The following CMSS1 variants were observed in gnomAD, a reference collection of about 807,000 sequenced individuals.
CMSS1 encodes the protein cms1 ribosomal small subunit homolog.
In CMSS1, 33 loss-of-function variants were observed where a neutral mutation model predicts 43.5. That is an observed-to-expected ratio of 0.76 (90% CI 0.57 to 1.01). The LOEUF is 1.01. Among genes scored for constraint, CMSS1 ranks in the 50% least tolerant of loss-of-function variants. The probability of loss-of-function intolerance (pLI) is 0.00; values close to 1 mark genes in which losing one functional copy is unlikely to be tolerated. For missense variants in CMSS1, 313 were observed against 326.4 expected, an observed-to-expected ratio of 0.96 and a Z score of 0.32; for synonymous variants, 115 against 117.2, an observed-to-expected ratio of 0.98 and a Z score of 0.12.
At chr3:100,091,459 G>A (rs2066108314) in intron 1 of CMSS1, among the ~76,000 whole-genome samples, 2 of 152,186 alleles carry the variant, frequency 1.3e-5, no homozygotes, top group Admixed American at 1.3e-4. Context: ...TAAGAAATTA[G>A]GTAACAAGAG....
At chr3:100,051,531 G>A (rs951226830) in intron 1 of CMSS1, among the ~76,000 whole-genome samples, 1 of 100,826 alleles carries the variant, frequency 9.9e-6, no homozygotes, top group Non-Finnish European at 1.8e-5. Context: ...AACAGGCCCC[G>A]GTGTGTGATG....
chr3:99,998,285 A>G lies in CMSS1; in HGVS notation c.65-148688A>G, dbSNP rs186699621. 2.6e-5 allele frequency among the ~76,000 whole-genome samples: 4 copies of G among 152,338 alleles called. No homozygotes were observed. In the East Asian group the frequency reaches 7.7e-4, roughly 29 times the overall value. ...CCTAGATATCCCTAATTTAGATCTGAAAATGTCTTTCTTGGAATGTTTTCT... is the reference window on the plus strand; with the variant it reads ...CCTAGATATCCCTAATTTAGATCTGGAAATGTCTTTCTTGGAATGTTTTCT... On this transcript the variant is annotated intron_variant, in intron 1 of 9. Transcript: ENST00000421999.
At chr3:99,913,650 T>C (rs1011516809) in intron 1 of CMSS1, among the ~76,000 whole-genome samples, 1 of 152,216 alleles carries the variant, frequency 6.6e-6, no homozygotes, top group African/African-American at 2.4e-5. Context: ...TATATGCTTG[T>C]AATAATCTTT....
intron 1 of CMSS1, among the ~76,000 whole-genome samples, chr3:99,909,692 A>G (rs1706731522): frequency 6.6e-6 from 1 of 152,244 alleles, no homozygotes; most frequent in Non-Finnish European, 1.5e-5. Context: ...AAAAAAGTCC[A>G]TCACACTGCT....
At chr3:99,835,246 C>T (rs1165186679) in intron 1 of CMSS1, among the ~76,000 whole-genome samples, 1 of 152,210 alleles carries the variant, frequency 6.6e-6, no homozygotes, top group Non-Finnish European at 1.5e-5. Flanking sequence ...AAGGCCCACT[C>T]ACATGTCCTT....
intron 1 of CMSS1, among the ~76,000 whole-genome samples, chr3:100,124,217 A>G (rs937864985): frequency 2.0e-5 from 3 of 152,160 alleles, no homozygotes; most frequent in African/African-American, 7.2e-5. Flanking sequence ...CAGTTACTCA[A>G]TTTTGGCTAA....
chr3:99,864,688 T>G (rs1944425421), intron 1 of CMSS1, among the ~76,000 whole-genome samples: 1 of 152,116 alleles, frequency 6.6e-6, no homozygotes, highest in Admixed American at 6.6e-5. Context: ...TCTACTGTTC[T>G]CCTCTTTGCT....
At chr3:100,064,390 C>T (rs576421260) in intron 1 of CMSS1, among the ~76,000 whole-genome samples, 1 of 152,068 alleles carries the variant, frequency 6.6e-6, no homozygotes, top group Non-Finnish European at 1.5e-5. Flanking sequence ...CCTGACCCCC[C>T]CAACACCCTT....
intron 1 of CMSS1, among the ~76,000 whole-genome samples, chr3:100,017,060 A>G (rs1167770153): frequency 6.6e-6 from 1 of 152,260 alleles, no homozygotes; most frequent in East Asian, 1.9e-4. Flanking sequence ...ACATGTGTGT[A>G]TAATTCTTCA....
intron 1 of CMSS1, among the ~76,000 whole-genome samples, chr3:99,956,684 T>G (rs1708329820): frequency 6.6e-6 from 1 of 152,220 alleles, no homozygotes; most frequent in South Asian, 2.1e-4. Context: ...CATCGCCTCT[T>G]AAATCTTGCC....
In CMSS1 at chr3:99,824,217, G is replaced by A. The variant is rs183777683; in HGVS notation, c.64+6174G>A. Among the ~76,000 whole-genome samples the A allele has an allele frequency of 1.0e-3, 154 of 152,216 alleles. 1 individual carries two copies. Among genetic ancestry groups the A allele is most frequent in the East Asian group, 6.9e-3 (36 of 5,180 alleles). On this transcript the variant is annotated intron_variant, in intron 1 of 9. Coordinates refer to ENST00000421999, the MANE Select transcript of CMSS1 (RefSeq NM_032359.4). Reference sequence around the variant, plus strand: ...ATTACAGGCATGAGCCACCAGGCCCGGCCAGCTGGCTCTGTCTTAACATTA... The same window carrying A: ...ATTACAGGCATGAGCCACCAGGCCCAGCCAGCTGGCTCTGTCTTAACATTA...
chr3:99,869,657 C>T (rs998894804), intron 1 of CMSS1, among the ~76,000 whole-genome samples: 7 of 152,162 alleles, frequency 4.6e-5, no homozygotes. Context: ...CAGGCAACTC[C>T]TTCCTTTTCT....
chr3:100,025,222 A>G (rs1444001912), intron 1 of CMSS1, among the ~76,000 whole-genome samples: 2 of 152,164 alleles, frequency 1.3e-5, no homozygotes, highest in Non-Finnish European at 2.9e-5. Context: ...CCTTCTTGCC[A>G]CTACACAGCC....
At chr3:99,918,187 AG>A (rs2107647237) in intron 1 of CMSS1, among the ~76,000 whole-genome samples, 1 of 152,188 alleles carries the variant, frequency 6.6e-6, no homozygotes, top group Non-Finnish European at 1.5e-5. Context: ...CATTTTGGCC[AG>A]GCTGGTCTCG....
rs139878931 is a variant in CMSS1, at chr3:100,162,235, C to G, written c.226-68C>G. On this transcript the variant is annotated intron_variant, in intron 3 of 9. Transcript: ENST00000421999. Reference sequence around the variant, plus strand: ...ATGTGCCGTTTAAATGCCAGAGGAACTAACCTATTCCAACCAAATGCCATT... The same window carrying G: ...ATGTGCCGTTTAAATGCCAGAGGAAGTAACCTATTCCAACCAAATGCCATT... 52 of 1,416,638 alleles carry G rather than the reference C, an allele frequency of 3.7e-5. No homozygotes were observed. The African/African-American group carries it at 6.3e-4, about 17-fold the overall frequency. The allele number at this position is 1,416,638 out of a possible 1,614,324, so 87.8% of individuals were successfully genotyped here.
intron 1 of CMSS1, chr3:99,833,164 A>G (rs1942752946): frequency 3.6e-6 from 5 of 1,387,580 alleles, no homozygotes; most frequent in African/African-American, 1.4e-5. Context: ...CGATTTTTTA[A>G]TAAATGCTTA....
At chr3:99,977,128 C>A (rs1206157544) in intron 1 of CMSS1, among the ~76,000 whole-genome samples, 1 of 152,160 alleles carries the variant, frequency 6.6e-6, no homozygotes, top group African/African-American at 2.4e-5. Context: ...CGAACATTGT[C>A]ATGGAGGGAT....
At chr3:100,078,632 T>C (rs1266560553) in intron 1 of CMSS1, among the ~76,000 whole-genome samples, 1 of 152,106 alleles carries the variant, frequency 6.6e-6, no homozygotes, top group African/African-American at 2.4e-5. Flanking sequence ...CTCGCTGGCC[T>C]GTAATCCCAG....
intron 1 of CMSS1, among the ~76,000 whole-genome samples, chr3:99,843,772 G>A (rs914248666): frequency 1.3e-5 from 2 of 152,110 alleles, no homozygotes; most frequent in African/African-American, 2.4e-5. Context: ...TCCATGGCTT[G>A]TTAGGAGCCG....
Sources: allele counts gnomAD v4.1 joint callset (sites outside exome capture counted in the v4.1 genomes callset), GRCh38; gene constraint gnomAD v4.1.1; transcripts MANE v1.5; gene names NCBI Gene and HGNC (gene_info 2026-07-23, HGNC 2026-07-21).